GALNT14: variants seen among roughly 807,000 people sequenced by gnomAD.
The protein encoded by GALNT14 is UDP-GalNAc:polypeptide N-acetylgalactosaminyltransferase 14.
Under a neutral mutation model 77.5 loss-of-function variants are expected in GALNT14, and 60 were observed. The observed-to-expected ratio is 0.77, with a 90% confidence interval of 0.63 to 0.96. GALNT14 has a LOEUF of 0.96. GALNT14 is among the 40% of genes least tolerant of loss of function. The probability of loss-of-function intolerance (pLI) is 0.00; values close to 1 mark genes in which losing one functional copy is unlikely to be tolerated. For missense variants in GALNT14, 710 were observed against 731.0 expected, an observed-to-expected ratio of 0.97 and a Z score of 0.33; for synonymous variants, 280 against 281.7, an observed-to-expected ratio of 0.99 and a Z score of 0.06.
At chr2:31,107,568 A>G (rs1381059261) in intron 1 of GALNT14, among the ~76,000 whole-genome samples, 1 of 152,182 alleles carries the variant, frequency 6.6e-6, no homozygotes, top group Non-Finnish European at 1.5e-5. Flanking sequence ...GAGGAAGAGC[A>G]GAAGAGGTTG....
chr2:31,038,295 T>C (rs1672890602), intron 1 of GALNT14, among the ~76,000 whole-genome samples: 1 of 151,584 alleles, frequency 6.6e-6, no homozygotes, highest in Non-Finnish European at 1.5e-5. Flanking sequence ...GGTTTCGCAA[T>C]GTTGGCCAGG....
chr2:31,020,472 T>C (rs1480989650), intron 1 of GALNT14, among the ~76,000 whole-genome samples: 1 of 152,172 alleles, frequency 6.6e-6, no homozygotes, highest in East Asian at 1.9e-4. Context: ...AGCACAAAGT[T>C]GGGAGTGGGG....
intron 1 of GALNT14, among the ~76,000 whole-genome samples, chr2:31,090,564 A>G (rs2148598040): frequency 7.2e-6 from 1 of 138,386 alleles, no homozygotes; most frequent in Non-Finnish European, 1.5e-5. Flanking sequence ...GTCTCGACTC[A>G]CTATAGCCTC....
At chr2:30,911,993 G>A (rs917269364) in intron 14 of GALNT14, among the ~76,000 whole-genome samples, 2 of 152,198 alleles carry the variant, frequency 1.3e-5, no homozygotes, top group Admixed American at 6.5e-5. Flanking sequence ...GTGGTCAGTG[G>A]AAATCAATAG....
At chr2:31,067,491 C>T (rs552592418) in intron 1 of GALNT14, among the ~76,000 whole-genome samples, 2 of 151,998 alleles carry the variant, frequency 1.3e-5, no homozygotes, top group African/African-American at 4.8e-5. Context: ...GGTTTTGTGC[C>T]GGCAGAGGGT....
chr2:30,896,003 G>A, the GALNT14 span, among the ~76,000 whole-genome samples: 1 of 152,134 alleles, frequency 6.6e-6, no homozygotes, highest in African/African-American at 2.4e-5. Context: ...TATATCACCT[G>A]GGCAACCTCG....
At chr2:31,105,200 A>T (rs757715971) in intron 1 of GALNT14, among the ~76,000 whole-genome samples, 8 of 152,108 alleles carry the variant, frequency 5.3e-5, no homozygotes, top group African/African-American at 9.7e-5. Context: ...TATTTTATTC[A>T]ATAGGTTGTA....
In GALNT14 at chr2:30,910,982, G is replaced by A. The variant is rs369746576; in HGVS notation, c.1578C>T (p.Gly526=). ...CGACGATTTCCTTGCCGTTCTCGGT[G>A]CCATCACCGAACATATCTGTATCGA... is the stretch of plus-strand genomic sequence containing the variant. ...LCLDTDMFGD[G]TENGKEIVVN... Residue 526 remains glycine, a synonymous_variant, in exon 15 of 15, where the codon GGC becomes GGT. Coordinates refer to ENST00000349752, the MANE Select transcript of GALNT14 (RefSeq NM_024572.4). 62 of 1,613,892 alleles carry A rather than the reference G, an allele frequency of 3.8e-5. 1 individual carries two copies. In the Admixed American group the frequency reaches 4.7e-4, roughly 12 times the overall value.
chr2:30,979,562 A>C (rs1202964735), intron 2 of GALNT14, among the ~76,000 whole-genome samples: 2 of 152,158 alleles, frequency 1.3e-5, no homozygotes, highest in African/African-American at 4.8e-5. Context: ...AGGGGAGAGC[A>C]GTTTGGATAA....
chr2:30,887,190 G>T, the GALNT14 span, among the ~76,000 whole-genome samples: 9 of 152,134 alleles, frequency 5.9e-5, no homozygotes, highest in Non-Finnish European at 1.3e-4. Flanking sequence ...GAAAGTGTTT[G>T]TGCATGTATT....
At chr2:30,896,148 AGCTCACGAAAT>A in the GALNT14 span, among the ~76,000 whole-genome samples, 1,253 of 152,350 alleles carry the variant, frequency 8.2e-3, 10 homozygotes, top group Non-Finnish European at 0.011. Context: ...ATGTAATAGC[AGCTCACGAAAT>A]GCTACATCCC....
intron 14 of GALNT14, among the ~76,000 whole-genome samples, chr2:30,911,867 G>C (rs953959272): frequency 6.6e-6 from 1 of 152,180 alleles, no homozygotes; most frequent in Admixed American, 6.5e-5. Flanking sequence ...CCAGAGCCCA[G>C]GGCCCTGAAG....
chr2:31,073,367 G>C (rs904117463), intron 1 of GALNT14, among the ~76,000 whole-genome samples: 1 of 151,960 alleles, frequency 6.6e-6, no homozygotes, highest in African/African-American at 2.4e-5. Flanking sequence ...ATGGGAAATA[G>C]AATAGTCAAA....
intron 1 of GALNT14, among the ~76,000 whole-genome samples, chr2:31,009,129 T>G (rs1449004761): frequency 6.6e-6 from 1 of 152,232 alleles, no homozygotes; most frequent in African/African-American, 2.4e-5. Flanking sequence ...GAGTTCTTAC[T>G]GTAAACTGAG....
intron 9 of GALNT14, among the ~76,000 whole-genome samples, chr2:30,940,802 C>T (rs1297282676): frequency 1.3e-5 from 2 of 152,194 alleles, no homozygotes; most frequent in East Asian, 1.9e-4. Context: ...CCCCCTATCA[C>T]ATTCCAGAAG....
chr2:31,036,118 T>C (rs1672724486), intron 1 of GALNT14, among the ~76,000 whole-genome samples: 2 of 152,232 alleles, frequency 1.3e-5, no homozygotes, highest in Admixed American at 1.3e-4. Flanking sequence ...AAGTGTTTAT[T>C]CCATTTATAT....
At chr2:30,982,619 G>A (rs1310066056) in intron 2 of GALNT14, among the ~76,000 whole-genome samples, 2 of 152,164 alleles carry the variant, frequency 1.3e-5, no homozygotes, top group Non-Finnish European at 2.9e-5. Flanking sequence ...TCAATCTACA[G>A]CTTTTGAAGA....
intron 1 of GALNT14, among the ~76,000 whole-genome samples, chr2:31,071,511 C>T (rs1675364190): frequency 6.6e-6 from 1 of 152,206 alleles, no homozygotes; most frequent in Non-Finnish European, 1.5e-5. Context: ...GCCCCTTTCC[C>T]TGCCCACCTA....
At chr2:30,950,665 G>A (rs1198387947) in intron 6 of GALNT14, among the ~76,000 whole-genome samples, 1 of 152,230 alleles carries the variant, frequency 6.6e-6, no homozygotes, top group Non-Finnish European at 1.5e-5. Context: ...GCAGACCTGG[G>A]AGGGTGAGAG....
Sources: allele counts gnomAD v4.1 joint callset (sites outside exome capture counted in the v4.1 genomes callset), GRCh38; gene constraint gnomAD v4.1.1; transcripts MANE v1.5; gene names NCBI Gene and HGNC (gene_info 2026-07-23, HGNC 2026-07-21).